The following PHF24 variants were observed in gnomAD, a reference collection of about 807,000 sequenced individuals.
PHF24 encodes the protein PHD finger protein 24.
In PHF24, 25 loss-of-function variants were observed where a neutral mutation model predicts 42.6. The ratio of observed to expected loss-of-function variants is 0.59; its 90% confidence interval spans 0.43 to 0.82. The LOEUF is 0.82. PHF24 is among the 40% of genes least tolerant of loss of function. The pLI is 0.00. For missense variants in PHF24, 470 were observed against 538.1 expected (o/e 0.87, Z 1.25); for synonymous variants, 185 against 204.8 (o/e 0.90, Z 0.83).
At chr9:34,695,472 G>A in the PHF24 span, among the ~76,000 whole-genome samples, 59,039 of 152,072 alleles carry the variant, frequency 0.39, 11,602 homozygotes, top group Admixed American at 0.45. Flanking sequence ...TCTGTGAGCC[G>A]CTGTAGCAAA....
intron 3 of PHF24, among the ~76,000 whole-genome samples, chr9:34,975,082 C>T (rs1827139285): frequency 6.6e-6 from 1 of 152,204 alleles, no homozygotes; most frequent in South Asian, 2.1e-4. Context: ...TTCCACACAG[C>T]AGCCAGAGAT....
chr9:34,683,281 G>A, the PHF24 span, among the ~76,000 whole-genome samples: 8 of 152,184 alleles, frequency 5.3e-5, no homozygotes, highest in Non-Finnish European at 7.3e-5. Context: ...AGCTGGTCTC[G>A]AACTCCTGAC....
At chr9:34,946,017 A>C in the PHF24 span, among the ~76,000 whole-genome samples, 1 of 152,216 alleles carries the variant, frequency 6.6e-6, no homozygotes, top group Non-Finnish European at 1.5e-5. Context: ...GTCGATGGAA[A>C]GTGTGGCCTT....
intron 1 of PHF24, among the ~76,000 whole-genome samples, chr9:34,967,047 T>G (rs1826799797): frequency 6.6e-6 from 1 of 152,156 alleles, no homozygotes; most frequent in Non-Finnish European, 1.5e-5. Context: ...TAGCTAAATT[T>G]TTTTTTTTTA....
the PHF24 span, among the ~76,000 whole-genome samples, chr9:34,866,036 G>C: frequency 6.6e-6 from 1 of 152,346 alleles, no homozygotes; most frequent in East Asian, 1.9e-4. Flanking sequence ...TCAAAGACAA[G>C]CTGCTAAAGT....
the PHF24 span, among the ~76,000 whole-genome samples, chr9:34,881,949 T>C: frequency 1.3e-5 from 2 of 152,206 alleles, no homozygotes; most frequent in African/African-American, 2.4e-5. Context: ...TGAATATTGA[T>C]GCAAAAATCC....
At chr9:34,740,146 C>G in the PHF24 span, among the ~76,000 whole-genome samples, 1,647 of 152,344 alleles carry the variant, frequency 0.011, 31 homozygotes, top group African/African-American at 0.036. Context: ...CATGTCCCCA[C>G]CAGACTCAGG....
At chr9:34,756,337 G>A in the PHF24 span, among the ~76,000 whole-genome samples, 1 of 152,260 alleles carries the variant, frequency 6.6e-6, no homozygotes, top group Admixed American at 6.5e-5. Context: ...GACCTCAGGT[G>A]ATCCAACCAC....
At chr9:34,784,821 C>A in the PHF24 span, among the ~76,000 whole-genome samples, 4 of 152,098 alleles carry the variant, frequency 2.6e-5, no homozygotes, top group Non-Finnish European at 5.9e-5. Context: ...TGTAGACATA[C>A]GAGAATACTA....
At chr9:34,898,582 A>G in the PHF24 span, among the ~76,000 whole-genome samples, 1 of 152,220 alleles carries the variant, frequency 6.6e-6, no homozygotes, top group Non-Finnish European at 1.5e-5. Flanking sequence ...GACTTTTTCA[A>G]ACAAAGAGCA....
At chr9:34,833,344 CT>C in the PHF24 span, 2 of 1,550,888 alleles carry the variant, frequency 1.3e-6, no homozygotes, top group Non-Finnish European at 8.7e-7. Flanking sequence ...GGGCAGAACC[CT>C]GGGGTACTGC....
chr9:34,733,387 G>T, the PHF24 span, among the ~76,000 whole-genome samples: 1 of 152,036 alleles, frequency 6.6e-6, no homozygotes, highest in East Asian at 1.9e-4. Context: ...ATATGTATCA[G>T]AAATACTTTT....
the PHF24 span, among the ~76,000 whole-genome samples, chr9:34,703,855 C>T: frequency 2.6e-4 from 40 of 152,010 alleles, no homozygotes; most frequent in African/African-American, 8.7e-4. Flanking sequence ...TGTGTGCCAC[C>T]GCACCTGGCC....
the PHF24 span, chr9:34,834,913 G>T: frequency 7.0e-7 from 1 of 1,419,970 alleles, no homozygotes; most frequent in Non-Finnish European, 9.5e-7. Context: ...CCTTCAAGGG[G>T]GGCTTGGGCA....
chr9:34,873,782 A>G, the PHF24 span, among the ~76,000 whole-genome samples: 249 of 150,222 alleles, frequency 1.7e-3, no homozygotes, highest in African/African-American at 5.7e-3. Context: ...TTGAATCTAT[A>G]AATTACCTTG....
At chr9:34,917,247 A>G in the PHF24 span, 2 of 1,214,438 alleles carry the variant, frequency 1.6e-6, no homozygotes, top group Non-Finnish European at 2.4e-6. Context: ...TCAGGGTGAG[A>G]AAGTCCGGGT....
chr9:34,753,653 A>G, the PHF24 span, among the ~76,000 whole-genome samples: 1 of 152,158 alleles, frequency 6.6e-6, no homozygotes, highest in Non-Finnish European at 1.5e-5. Context: ...TAAAATGTAT[A>G]TGGAACTACA....
At chr9:34,917,720 G>A in the PHF24 span, 3,873 of 799,940 alleles carry the variant, frequency 4.8e-3, 98 homozygotes, top group African/African-American at 0.056. Flanking sequence ...TCATTACAGC[G>A]CCTGCTTGTA....
At chr9:34,790,697 C>T in the PHF24 span, among the ~76,000 whole-genome samples, 3 of 152,126 alleles carry the variant, frequency 2.0e-5, no homozygotes, top group Admixed American at 6.6e-5. Context: ...TATAATATGT[C>T]AGACTCTGAT....
Sources: gnomAD v4.1 joint callset for allele counts (sites outside exome capture counted in the v4.1 genomes callset) on GRCh38, gnomAD v4.1.1 for gene constraint, MANE v1.5 for transcripts, NCBI Gene and HGNC (gene_info 2026-07-23, HGNC 2026-07-21) for gene names.